Variants in GLCE observed in about 807,000 individuals in gnomAD.
GLCE encodes the protein glucuronic acid epimerase, also known as D-glucuronyl C5-epimerase.
GLCE carries 19 observed loss-of-function variants against 47.9 expected under a neutral mutation model. The ratio of observed to expected loss-of-function variants is 0.40; its 90% CI spans 0.28 to 0.58. GLCE has a LOEUF of 0.58. GLCE is among the 20% of genes least tolerant of loss of function. The probability of loss-of-function intolerance (pLI) is 0.48; values close to 1 mark genes in which losing one functional copy is unlikely to be tolerated. For missense variants in GLCE, 556 were observed against 743.3 expected, an observed-to-expected ratio of 0.75 and a Z score of 2.93; for synonymous variants, 245 against 263.4, an observed-to-expected ratio of 0.93 and a Z score of 0.68.
intron 2 of GLCE, among the ~76,000 whole-genome samples, chr15:69,246,630 C>T (rs1001892758): frequency 4.0e-5 from 6 of 151,174 alleles, no homozygotes; most frequent in Admixed American, 1.3e-4. Context: ...GCAGAAGAAT[C>T]GCTTGAATCC....
At chr15:69,178,759 A>G (rs967467119) in intron 1 of GLCE, among the ~76,000 whole-genome samples, 1 of 152,176 alleles carries the variant, frequency 6.6e-6, no homozygotes, top group African/African-American at 2.4e-5. Context: ...TTGACTTTAC[A>G]TGTTAAAATG....
rs946099960 is a variant in GLCE, at chr15:69,271,197, G to A, written c.*1953G>A. The A allele has an allele frequency of 2.0e-5, 3 of 152,632 alleles. No individual in the cohort carries two copies. The highest frequency in any genetic ancestry group is 1.9e-4 in the East Asian group (1 of 5,200). 9.5% of individuals were successfully genotyped at this position (152,632 alleles called of 1,614,324 possible). ...AAAGACGTTTTGATCTAGAAATAGC[G>A]TTGTGATTTCCTTGCTGTTGGTTTT... On this transcript the variant is annotated 3_prime_UTR_variant, in exon 5 of 5. Transcript: ENST00000261858.
At position 69,268,872 on chromosome 15, in the gene GLCE, T is replaced by C. The variant is rs2053124311; in HGVS notation, c.1482T>C (p.His494=). ...TTAAAGCTGTGTTTATGAATAAACA[T>C]GACTGGTATGAAGAATATCCAACCA... ...HGVKAVFMNK[H]DWYEEYPTTP... is the part of the protein sequence containing the mutation. Residue 494 remains histidine (H), a synonymous_variant, in exon 5 of 5, where the codon CAT becomes CAC. Coordinates refer to ENST00000261858, the MANE Select transcript of GLCE (RefSeq NM_015554.3). 1 of 1,613,860 alleles carries C rather than the reference T, an allele frequency of 6.2e-7. No homozygotes were observed. Among genetic ancestry groups the C allele is most frequent in the Non-Finnish European group, 8.5e-7 (1 of 1,179,700 alleles).
intron 2 of GLCE, among the ~76,000 whole-genome samples, chr15:69,213,759 G>A (rs2052265459): frequency 6.6e-6 from 1 of 152,052 alleles, no homozygotes; most frequent in Admixed American, 6.6e-5. Context: ...TGCAGCTTCT[G>A]TGGTGTTTTA....
Position 69,268,741 on chromosome 15 carries a change from A to T in GLCE, c.1351A>T (p.Ile451Phe). 6.2e-7 allele frequency: 1 copy of T among 1,614,212 alleles called. No individual in the cohort carries two copies. Among genetic ancestry groups the T allele is most frequent in the Non-Finnish European group, 8.5e-7 (1 of 1,180,030 alleles). Residue 451 changes from isoleucine to phenylalanine, a missense_variant, in exon 5 of 5, where the codon ATT becomes TTT. By Grantham distance (21) the Ile-to-Phe change is conservative. Around this residue, in one of 3 missense-constraint regions of GLCE, gnomAD observed 245 missense variants for 368.1 expected, o/e 0.67. Coordinates refer to ENST00000261858, the MANE Select transcript of GLCE (RefSeq NM_015554.3). ...WYSAMAQGQA[I>F]STLVRAYLLT... is the part of the protein sequence containing the mutation. Reference sequence around the variant, plus strand: ...TTCTGCCATGGCCCAAGGGCAAGCCATTTCTACATTAGTCAGGGCCTATCT... The same window carrying T: ...TTCTGCCATGGCCCAAGGGCAAGCCTTTTCTACATTAGTCAGGGCCTATCT...
intron 2 of GLCE, among the ~76,000 whole-genome samples, chr15:69,210,921 AG>A (rs1429005594): frequency 6.6e-6 from 1 of 152,154 alleles, no homozygotes; most frequent in African/African-American, 2.4e-5. Context: ...TGGCCCTTTT[AG>A]GAAAGTTTGC....
intron 1 of GLCE, among the ~76,000 whole-genome samples, chr15:69,202,390 A>G (rs1231872475): frequency 6.6e-6 from 1 of 152,136 alleles, no homozygotes; most frequent in Admixed American, 6.6e-5. Flanking sequence ...CTTTTAAAAT[A>G]ATGGAAGAGA....
At chr15:69,213,753 G>C (rs1389751492) in intron 2 of GLCE, among the ~76,000 whole-genome samples, 1 of 152,054 alleles carries the variant, frequency 6.6e-6, no homozygotes, top group African/African-American at 2.4e-5. Context: ...CTTGCCTGCA[G>C]CTTCTGTGGT....
At chr15:69,238,964 A>G (rs1469468235) in intron 2 of GLCE, among the ~76,000 whole-genome samples, 1 of 152,184 alleles carries the variant, frequency 6.6e-6, no homozygotes, top group Non-Finnish European at 1.5e-5. Flanking sequence ...TGTAATTGAG[A>G]TATAGTAAAG....
At chr15:69,202,854 A>G (rs2052094925) in intron 1 of GLCE, among the ~76,000 whole-genome samples, 2 of 151,902 alleles carry the variant, frequency 1.3e-5, no homozygotes, top group South Asian at 4.1e-4. Context: ...ATGATTTAAC[A>G]TTATTTATGG....
At chr15:69,243,803 A>T in intron 2 of GLCE, among the ~76,000 whole-genome samples, 1 of 118,152 alleles carries the variant, frequency 8.5e-6, no homozygotes, top group East Asian at 2.7e-4. Context: ...AAAGTCATAG[A>T]ATAAAATAAT....
intron 4 of GLCE, among the ~76,000 whole-genome samples, chr15:69,264,196 T>C (rs1247860833): frequency 7.2e-6 from 1 of 139,154 alleles, no homozygotes; most frequent in Non-Finnish European, 1.6e-5. Flanking sequence ...ACCACCATTC[T>C]ACTGTTTCTG....
Position 69,269,863 on chromosome 15 carries a change from G to A in GLCE, c.*619G>A, listed in dbSNP as rs1441469253. The A allele has an allele frequency of 1.3e-5, 2 of 152,610 alleles. No individual in the cohort carries two copies. Among genetic ancestry groups the A allele is most frequent in the African/African-American group, 2.4e-5 (1 of 41,442 alleles). 9.5% of individuals were successfully genotyped at this position (152,610 alleles called of 1,614,324 possible). A position where few individuals can be genotyped will look rare whatever the true frequency, so the allele number is the denominator to read the frequency against. ...CGTGTAAATTAAAAACACAATCAGT[G>A]TTCAGGCTTCAGTTATATAATGTAA... is the stretch of plus-strand genomic sequence containing the variant. On this transcript the variant is annotated 3_prime_UTR_variant, in exon 5 of 5. Coordinates refer to ENST00000261858, the MANE Select transcript of GLCE (RefSeq NM_015554.3).
At chr15:69,198,408 G>T (rs2052028323) in intron 1 of GLCE, among the ~76,000 whole-genome samples, 1 of 152,066 alleles carries the variant, frequency 6.6e-6, no homozygotes. Flanking sequence ...CATAGGTGCT[G>T]GGTCTCTTAC....
At chr15:69,236,101 A>G (rs936650055) in intron 2 of GLCE, among the ~76,000 whole-genome samples, 7 of 152,224 alleles carry the variant, frequency 4.6e-5, no homozygotes, top group African/African-American at 7.2e-5. Flanking sequence ...ATGTTGTGGC[A>G]GGTTATCAGT....
chr15:69,242,253 C>T (rs767213785), intron 2 of GLCE, among the ~76,000 whole-genome samples: 2 of 152,128 alleles, frequency 1.3e-5, no homozygotes, highest in Middle Eastern at 3.4e-3. Context: ...AGTATCTTTC[C>T]CTTTCCTAAC....
chr15:69,243,057 CAA>C (rs547412078), intron 2 of GLCE, among the ~76,000 whole-genome samples: 5 of 42,318 alleles, frequency 1.2e-4, no homozygotes, highest in Admixed American at 2.6e-4. Context: ...AGATCCTGTC[CAA>C]AAAAAAAAAA....
At chr15:69,265,902 G>C (rs540012663) in intron 4 of GLCE, among the ~76,000 whole-genome samples, 27 of 152,174 alleles carry the variant, frequency 1.8e-4, no homozygotes, top group Non-Finnish European at 3.5e-4. Context: ...AAGATAGTCT[G>C]CTCCACTGAA....
intron 2 of GLCE, among the ~76,000 whole-genome samples, chr15:69,227,461 G>C (rs2052465808): frequency 6.6e-6 from 1 of 152,126 alleles, no homozygotes; most frequent in Non-Finnish European, 1.5e-5. Context: ...CAAAAACACA[G>C]TATTTGTTAG....
Sources: allele counts gnomAD v4.1 joint callset (sites outside exome capture counted in the v4.1 genomes callset), GRCh38; gene constraint gnomAD v4.1.1; regional missense constraint gnomAD v4.1.1; transcripts MANE v1.5; gene names NCBI Gene and HGNC (gene_info 2026-07-23, HGNC 2026-07-21).